The following GAD2 variants were observed in gnomAD, a reference collection of about 807,000 sequenced individuals.
The protein encoded by GAD2 is glutamate decarboxylase 2, also known as 65 kDa glutamic acid decarboxylase.
GAD2 carries 22 observed loss-of-function variants against 80.1 expected under a neutral mutation model. The observed-to-expected ratio is 0.27, with a 90% CI of 0.20 to 0.39. GAD2 has a LOEUF of 0.39. Ranked by LOEUF, GAD2 falls within the 10% of genes least tolerant of loss-of-function variation. The probability of loss-of-function intolerance (pLI) is 1.00; values close to 1 mark genes in which losing one functional copy is unlikely to be tolerated. For synonymous variants in GAD2, 274 were observed against 256.9 expected (o/e 1.07, Z -0.64); for missense variants, 624 against 738.4 (o/e 0.85, Z 1.80).
At chr10:26,285,081 A>G (rs1845316969) in intron 12 of GAD2, among the ~76,000 whole-genome samples, 1 of 152,172 alleles carries the variant, frequency 6.6e-6, no homozygotes, top group Non-Finnish European at 1.5e-5. Context: ...TTTTCACCTT[A>G]TTGGTCTTCA....
chr10:26,219,304 T>C (rs745515457), intron 4 of GAD2, 28 bp downstream of exon 4: 3 of 1,328,484 alleles, frequency 2.3e-6, no homozygotes, highest in Non-Finnish European at 3.1e-6. Flanking sequence ...ATAATAAAGC[T>C]CTTTTTTCGT....
Position 26,239,873 on chromosome 10 carries a change from C to T in GAD2, c.841-6048C>T, listed in dbSNP as rs192773631. 1.1e-4 allele frequency among the ~76,000 whole-genome samples: 17 copies of T among 152,284 alleles called. No individual in the cohort carries two copies. The East Asian group carries it at 3.3e-3, about 29-fold the overall frequency. On this transcript the variant is annotated intron_variant, in intron 7 of 15. Coordinates refer to ENST00000376261, the MANE Select transcript of GAD2 (RefSeq NM_001134366.2). Reference sequence around the variant, plus strand: ...CAGAAGACCAGGAAAGCCAACGCACCAGGTAGACAGAGTGAGGGGAACAAA... The same window carrying T: ...CAGAAGACCAGGAAAGCCAACGCACTAGGTAGACAGAGTGAGGGGAACAAA...
intron 5 of GAD2, 59 bp downstream of exon 5, chr10:26,224,036 T>C (rs1564656015): frequency 8.5e-7 from 1 of 1,176,796 alleles, no homozygotes; most frequent in Non-Finnish European, 1.3e-6. Flanking sequence ...CATTCCATAG[T>C]CTTTACATCT....
rs754739327 is a variant in GAD2, at chr10:26,216,932, C to T, written c.76+47C>T. On this transcript the variant is annotated intron_variant, in intron 1 of 15. Transcript: ENST00000376261. This position sits in a 1 kb window ranked among gnomAD's most constrained non-coding sequence, Gnocchi z 4.7. ...TGCGGCGGGCGAGTTTTGCGGTGGT[C>T]TGGGGTTTGCGGAACTACGGAGAAG... 2 of 1,537,796 alleles carry T rather than the reference C, an allele frequency of 1.3e-6. No homozygotes were observed. Among genetic ancestry groups the T allele is most frequent in the African/African-American group, 2.8e-5 (2 of 72,170 alleles).
chr10:26,265,084 GT>G (rs1202964681), intron 8 of GAD2, among the ~76,000 whole-genome samples: 1 of 152,108 alleles, frequency 6.6e-6, no homozygotes, highest in Non-Finnish European at 1.5e-5. Flanking sequence ...GGTACATTCT[GT>G]GTCTTTTTGC....
intron 4 of GAD2, among the ~76,000 whole-genome samples, chr10:26,220,886 G>A (rs78618297): frequency 0.061 from 9,311 of 152,270 alleles, 364 homozygotes; most frequent in Non-Finnish European, 0.085. Context: ...TGCATTTAGT[G>A]CCAGGAAAAG....
At chr10:26,292,357 G>A in intron 13 of GAD2, 108 bp from the exon 14 acceptor site, 1 of 768,806 alleles carries the variant, frequency 1.3e-6, no homozygotes, top group East Asian at 2.6e-5. Context: ...TTGAGAAAGT[G>A]CCAGACGGGG....
chr10:26,217,522 G>C lies in GAD2; in HGVS notation c.77-88G>C. The C allele has an allele frequency of 7.1e-7, 1 of 1,400,044 alleles. No homozygotes were observed. The highest frequency in any genetic ancestry group is 9.9e-7 in the Non-Finnish European group (1 of 1,008,256). 86.7% of individuals were successfully genotyped at this position (1,400,044 alleles called of 1,614,324 possible). ...GCGGCCCCTCCTAGGACCCCGGACTGATTGATTTTCACATAGAACGAAATT... is the reference window on the plus strand; with the variant it reads ...GCGGCCCCTCCTAGGACCCCGGACTCATTGATTTTCACATAGAACGAAATT... On this transcript the variant is annotated intron_variant, in intron 1 of 15. Transcript: ENST00000376261. This position sits in a 1 kb window ranked among gnomAD's most constrained non-coding sequence, Gnocchi z 4.9.
At chr10:26,264,159 T>C (rs1845040851) in intron 8 of GAD2, among the ~76,000 whole-genome samples, 1 of 152,226 alleles carries the variant, frequency 6.6e-6, no homozygotes, top group South Asian at 2.1e-4. Flanking sequence ...ATATTGTTTA[T>C]ACTTACTATC....
Position 26,301,829 on chromosome 10 carries a change from C to T in GAD2, c.*868C>T, listed in dbSNP as rs8190804. ...ACTCTTAGCGGACTCACTCTGCAAGCGTGACAAACCAGGCTTCATCTCAGA... is the reference window on the plus strand; with the variant it reads ...ACTCTTAGCGGACTCACTCTGCAAGTGTGACAAACCAGGCTTCATCTCAGA... On this transcript the variant is annotated 3_prime_UTR_variant, in exon 16 of 16. Coordinates refer to ENST00000376261, the MANE Select transcript of GAD2 (RefSeq NM_001134366.2). The T allele has an allele frequency of 3.3e-5, 5 of 152,180 alleles. No homozygotes were observed. The highest frequency in any genetic ancestry group is 1.2e-4 in the African/African-American group (5 of 41,436). 9.4% of individuals were successfully genotyped at this position (152,180 alleles called of 1,614,324 possible). A position where few individuals can be genotyped will look rare whatever the true frequency, so the allele number is the denominator to read the frequency against.
intron 8 of GAD2, among the ~76,000 whole-genome samples, chr10:26,251,426 T>C (rs1844879727): frequency 6.6e-6 from 1 of 152,186 alleles, no homozygotes; most frequent in Non-Finnish European, 1.5e-5. Flanking sequence ...AGTTTCTTTA[T>C]CTGAAAAAAC....
chr10:26,240,856 G>A (rs1844733591), intron 7 of GAD2, among the ~76,000 whole-genome samples: 1 of 152,078 alleles, frequency 6.6e-6, no homozygotes, highest in Non-Finnish European at 1.5e-5. Flanking sequence ...CTAACGCGGT[G>A]AAACCCCATC....
At chr10:26,225,363 T>C (rs1004101377) in intron 6 of GAD2, among the ~76,000 whole-genome samples, 1 of 152,240 alleles carries the variant, frequency 6.6e-6, no homozygotes, top group African/African-American at 2.4e-5. Context: ...GGTTTACAGT[T>C]CTGTGTGTGA....
At chr10:26,277,120 A>G (rs1012863985) in intron 11 of GAD2, among the ~76,000 whole-genome samples, 2 of 152,240 alleles carry the variant, frequency 1.3e-5, no homozygotes, top group Admixed American at 6.5e-5. Flanking sequence ...CAAGCAGGGC[A>G]ACATTGTAGC....
At chr10:26,300,670 A>C (rs1351386631) in intron 15 of GAD2, 118 bp from the exon 16 acceptor site, 5 of 869,660 alleles carry the variant, frequency 5.7e-6, no homozygotes, top group Non-Finnish European at 9.0e-6. Context: ...TTTCAAGAGA[A>C]AACAATAAGG....
In GAD2 at chr10:26,301,221, C is replaced by T; in HGVS notation, c.*260C>T. 5.3e-6 allele frequency: 2 copies of T among 380,010 alleles called. No individual in the cohort carries two copies. The highest frequency in any genetic ancestry group is 9.8e-6 in the Non-Finnish European group (2 of 204,556). The allele number at this position is 380,010 out of a possible 1,614,324, so 23.5% of individuals were successfully genotyped here. A position where few individuals can be genotyped will look rare whatever the true frequency, so the allele number is the denominator to read the frequency against. On this transcript the variant is annotated 3_prime_UTR_variant, in exon 16 of 16. Coordinates refer to ENST00000376261, the MANE Select transcript of GAD2 (RefSeq NM_001134366.2). Reference sequence around the variant, plus strand: ...AGCTTAAAATTGTTATAAATACTTCCCTTACTTTTAATATAGTGTGCAAAG... The same window carrying T: ...AGCTTAAAATTGTTATAAATACTTCTCTTACTTTTAATATAGTGTGCAAAG...
rs530581009 is a variant in GAD2 at position 26,282,122 on chromosome 10, T to C, written c.1236+1035T>C. Among the ~76,000 whole-genome samples, 81 of 127,682 alleles carry C rather than the reference T, an allele frequency of 6.3e-4. 1 individual carries two copies. The East Asian group carries it at 0.015, about 23-fold the overall frequency. The allele number at this position is 127,682 out of a possible 152,430, so 83.8% of individuals were successfully genotyped here. ...CACACCTGGCTAATTTTTGTGGTTT[T>C]AGTAGAGACAGGGTTTTCACATGTT... On this transcript the variant is annotated intron_variant, in intron 12 of 15. Coordinates refer to ENST00000376261, the MANE Select transcript of GAD2 (RefSeq NM_001134366.2).
rs1308898886 is a variant in GAD2, at chr10:26,217,638, G to A, written c.105G>A (p.Lys35=). ...TARAWCQVAQ[K]FTGGIGNKLC... is the part of the protein sequence containing the mutation. ...GAGCCTGGTGCCAAGTGGCTCAGAA[G>A]TTCACGGGCGGCATCGGAAACAAAC... Residue 35 remains lysine (K), a synonymous_variant, in exon 2 of 16, where the codon AAG becomes AAA. Transcript: ENST00000376261. The surrounding 1 kb of genome is among the most constrained non-coding windows in gnomAD (Gnocchi z 4.9). 3.7e-6 allele frequency: 6 copies of A among 1,613,636 alleles called. No individual in the cohort carries two copies. The African/African-American group carries it at 8.0e-5, about 22-fold the overall frequency.
chr10:26,264,919 G>A (rs939715294), intron 8 of GAD2, among the ~76,000 whole-genome samples: 1 of 152,142 alleles, frequency 6.6e-6, no homozygotes, highest in Non-Finnish European at 1.5e-5. Context: ...GCCAATGAAC[G>A]GGGTCAACTA....
Sources: gnomAD v4.1 joint callset for allele counts (sites outside exome capture counted in the v4.1 genomes callset) on GRCh38, gnomAD v4.1.1 for gene constraint, Gnocchi (gnomAD v3.1) non-coding constraint, MANE v1.5 for transcripts, NCBI Gene and HGNC (gene_info 2026-07-23, HGNC 2026-07-21) for gene names.